The following PMVK variants were observed in gnomAD, a reference collection of about 807,000 sequenced individuals.
PMVK encodes phosphomevalonate kinase.
Under a neutral mutation model 19.0 loss-of-function variants are expected in PMVK, and 10 were observed. That is an observed-to-expected ratio of 0.53 (90% confidence interval 0.32 to 0.89). PMVK has a LOEUF of 0.89. Among genes scored for constraint, PMVK ranks in the 40% least tolerant of loss-of-function variants. PMVK has a pLI of 0.03. For synonymous variants in PMVK, 108 were observed against 101.6 expected (o/e 1.06, Z -0.38); for missense variants, 222 against 251.1 (o/e 0.88, Z 0.78).
chr1:154,929,059 T>C lies in PMVK; in HGVS notation c.277A>G (p.Arg93Gly), dbSNP rs773683420. The C allele has an allele frequency of 1.2e-6, 2 of 1,614,196 alleles. No individual in the cohort carries two copies. The highest frequency in any genetic ancestry group is 3.3e-5 in the Admixed American group (2 of 60,022). ...TGGGAGATGCCCTCCACAATCTTCCTGCAAAAGAAGCCTGGGTCAGCCTGG... is the reference window on the plus strand; with the variant it reads ...TGGGAGATGCCCTCCACAATCTTCCCGCAAAAGAAGCCTGGGTCAGCCTGG... ...KRQADPGFFC[R>G]KIVEGISQPI... is the part of the protein sequence containing the mutation. The change falls in exon 3 of 5, where the codon AGG (arginine) becomes GGG (glycine). Residue 93 changes from arginine (R) to glycine (G), a missense_variant. Arg to Gly is a moderately radical substitution (Grantham distance 125). Coordinates refer to ENST00000368467, the MANE Select transcript of PMVK (RefSeq NM_006556.4).
Position 154,925,109 on chromosome 1 carries a change from T to G in PMVK, c.*20A>C. ...CACCCCCACCTCAGCAGGCCCCAGC[T>G]CACTCCTAGAACCTAGTGACTAAAG... On this transcript the variant is annotated 3_prime_UTR_variant, in exon 5 of 5. Coordinates refer to ENST00000368467, the MANE Select transcript of PMVK (RefSeq NM_006556.4). 1 of 759,828 alleles carries G rather than the reference T, an allele frequency of 1.3e-6. No individual in the cohort carries two copies. The highest frequency in any genetic ancestry group is 1.9e-6 in the Non-Finnish European group (1 of 515,432). 47.1% of individuals were successfully genotyped at this position (759,828 alleles called of 1,614,324 possible).
intron 1 of PMVK, 94 bp from the exon 2 acceptor site, chr1:154,932,509 C>T: frequency 1.4e-6 from 1 of 731,742 alleles, no homozygotes; most frequent in Non-Finnish European, 2.2e-6. Context: ...GTTGAAGTCC[C>T]ATTTCTACTA....
chr1:154,938,938 G>A (rs1441256275), upstream of PMVK, among the ~76,000 whole-genome samples: 1 of 152,040 alleles, frequency 6.6e-6, no homozygotes, highest in Non-Finnish European at 1.5e-5. Flanking sequence ...AGGCTAGTCT[G>A]GAATTCCTGG....
chr1:154,940,416 GT>G (rs1295463494), upstream of PMVK, among the ~76,000 whole-genome samples: 1 of 152,218 alleles, frequency 6.6e-6, no homozygotes, highest in Non-Finnish European at 1.5e-5. Context: ...GAAGTGGAGG[GT>G]GGGGGGAATG....
chr1:154,939,175 C>A (rs4845694), upstream of PMVK, among the ~76,000 whole-genome samples: 11 of 151,900 alleles, frequency 7.2e-5, no homozygotes, highest in Admixed American at 2.6e-4. Context: ...CTTTTCCCCC[C>A]TCTCCTCCTC....
intron 2 of PMVK, among the ~76,000 whole-genome samples, chr1:154,930,447 C>A (rs930664367): frequency 1.3e-5 from 2 of 152,218 alleles, no homozygotes; most frequent in South Asian, 4.1e-4. Flanking sequence ...GGCGACAGAG[C>A]GAGACTCCGT....
At chr1:154,933,490 C>CTTT (rs397860434) in intron 1 of PMVK, among the ~76,000 whole-genome samples, 16 of 113,982 alleles carry the variant, frequency 1.4e-4, no homozygotes, top group South Asian at 2.6e-4. Flanking sequence ...CTTAACCAAC[C>CTTT]TTTTTTTTTT....
At chr1:154,933,217 T>C (rs1654390523) in intron 1 of PMVK, among the ~76,000 whole-genome samples, 1 of 152,158 alleles carries the variant, frequency 6.6e-6, no homozygotes, top group Admixed American at 6.5e-5. Flanking sequence ...GCAGATCACC[T>C]GAGGTCAGGA....
chr1:154,932,310 C>T (rs754239218), intron 2 of PMVK, 42 bp downstream of exon 2: 73 of 1,455,036 alleles, frequency 5.0e-5, no homozygotes, highest in Non-Finnish European at 6.2e-5. Flanking sequence ...GTCCTGGAGC[C>T]GGCCCCGCCC....
chr1:154,938,314 A>C (rs1278137377), upstream of PMVK, among the ~76,000 whole-genome samples: 1 of 152,180 alleles, frequency 6.6e-6, no homozygotes, highest in Non-Finnish European at 1.5e-5. Context: ...GCGATCAGAA[A>C]ACTTCCCCCA....
chr1:154,942,386 G>A, the PMVK span, among the ~76,000 whole-genome samples: 1 of 152,270 alleles, frequency 6.6e-6, no homozygotes, highest in Middle Eastern at 3.4e-3. Flanking sequence ...TACACACTGG[G>A]CCCATGGTCA....
Position 154,935,686 on chromosome 1 carries a change from G to A in PMVK, c.95+905C>T, listed in dbSNP as rs146987096. Among the ~76,000 whole-genome samples the A allele has an allele frequency of 3.9e-5, 6 of 152,212 alleles. No homozygotes were observed. In the East Asian group the frequency reaches 1.2e-3, roughly 29 times the overall value. On this transcript the variant is annotated intron_variant, in intron 1 of 4. Transcript: ENST00000368467. ...GCAAGGGTTTTTTGTTGTTAACTTCGTATGTTATTTTATTTTATTTTACTT... is the reference window on the plus strand; with the variant it reads ...GCAAGGGTTTTTTGTTGTTAACTTCATATGTTATTTTATTTTATTTTACTT...
At chr1:154,939,402 G>A (rs1022828239), upstream of PMVK, among the ~76,000 whole-genome samples, 1 of 152,064 alleles carries the variant, frequency 6.6e-6, no homozygotes, top group Non-Finnish European at 1.5e-5. Context: ...AAAGTTAAAT[G>A]TGGCCCGGTG....
Position 154,925,017 on chromosome 1 carries a change from GA to G in PMVK, c.*111del, listed in dbSNP as rs1654095667. ...TATCCACCAACCCCCTCAGAATCTAGACCCCCCCTGTCTGTTCCTCACCTCG... is the reference window on the plus strand; with the variant it reads ...TATCCACCAACCCCCTCAGAATCTAGCCCCCCCTGTCTGTTCCTCACCTCG... On this transcript the variant is annotated 3_prime_UTR_variant, in exon 5 of 5. Coordinates refer to ENST00000368467, the MANE Select transcript of PMVK (RefSeq NM_006556.4). 3 of 823,848 alleles carry G rather than the reference GA, an allele frequency of 3.6e-6. No homozygotes were observed. Among genetic ancestry groups the G allele is most frequent in the South Asian group, 2.5e-5 (1 of 39,428 alleles). The allele number at this position is 823,848 out of a possible 1,614,324, so 51.0% of individuals were successfully genotyped here.
chr1:154,926,563 G>T, intron 3 of PMVK, 80 bp from the exon 4 acceptor site: 1 of 1,318,380 alleles, frequency 7.6e-7, no homozygotes. Flanking sequence ...CAGAACCCAG[G>T]GCAGTGTGGG....
chr1:154,939,421 C>A (rs1654594581), upstream of PMVK, among the ~76,000 whole-genome samples: 1 of 152,032 alleles, frequency 6.6e-6, no homozygotes, highest in African/African-American at 2.4e-5. Flanking sequence ...TGCAGTGGCT[C>A]ATGCCTGTAA....
chr1:154,934,560 T>C (rs190938692), intron 1 of PMVK, among the ~76,000 whole-genome samples: 1 of 152,256 alleles, frequency 6.6e-6, no homozygotes, highest in African/African-American at 2.4e-5. Context: ...ATGTTTCAGA[T>C]GAGGAAGCTG....
upstream of PMVK, chr1:154,937,286 G>C (rs913568243): frequency 6.5e-6 from 1 of 152,758 alleles, no homozygotes; most frequent in Non-Finnish European, 1.5e-5. Context: ...GGCGTGTCTG[G>C]CCACGTCATG....
Position 154,936,590 on chromosome 1 carries a change from C to A in PMVK, c.95+1G>T. On this transcript the variant is annotated splice_donor_variant, in intron 1 of 4. Coordinates refer to ENST00000368467, the MANE Select transcript of PMVK (RefSeq NM_006556.4). LOFTEE classifies it high-confidence loss of function. ...TTCCACCTTTCCCGCCTCACGGACA[C>A]CTGCTCTGCAGCGCCTCGGTCACGA... 1 of 1,599,608 alleles carries A rather than the reference C, an allele frequency of 6.3e-7. No individual in the cohort carries two copies. Among genetic ancestry groups the A allele is most frequent in the Non-Finnish European group, 8.5e-7 (1 of 1,173,202 alleles).
Sources: gnomAD v4.1 joint callset for allele counts (sites outside exome capture counted in the v4.1 genomes callset) on GRCh38, gnomAD v4.1.1 for gene constraint, MANE v1.5 for transcripts, NCBI Gene and HGNC (gene_info 2026-07-23, HGNC 2026-07-21) for gene names.